NR2F1-AS1: variants seen among roughly 807,000 people sequenced by gnomAD.
NR2F1-AS1 encodes the protein NR2F1 regulatory antisense RNA 1, also known as NR2F1 antisense RNA 1.
rs536934878 is a variant in NR2F1-AS1, at chr5:93,579,162, C to T, written n.313+1305G>A. 7.2e-5 allele frequency among the ~76,000 whole-genome samples: 11 copies of T among 152,286 alleles called. No homozygotes were observed. The highest frequency in any genetic ancestry group is 1.9e-4 in the East Asian group (1 of 5,160). ...GGGGGACAGCGCCCTCCTCGAAAAG[C>T]CTTGGTTTCTCCCCGCCCCCTCTTG... On this transcript the variant is annotated intron_variant and non_coding_transcript_variant, in intron 1 of 5. Coordinates refer to ENST00000660523, the Ensembl canonical transcript of NR2F1-AS1. The surrounding 1 kb of genome is among the most constrained non-coding windows in gnomAD (Gnocchi z 5.1).
chr5:93,549,930 C>A (rs1023352281), intron 4 of NR2F1-AS1, among the ~76,000 whole-genome samples: 2 of 151,810 alleles, frequency 1.3e-5, no homozygotes, highest in Non-Finnish European at 2.9e-5. Flanking sequence ...CACATGGACA[C>A]AGGGAGGGGA....
At chr5:93,563,995 G>A (rs1249868286) in intron 1 of NR2F1-AS1, among the ~76,000 whole-genome samples, 7 of 151,028 alleles carry the variant, frequency 4.6e-5, no homozygotes, top group African/African-American at 9.7e-5. Flanking sequence ...CCAGCTACCC[G>A]GGAGGCTGAG....
At chr5:93,547,771 G>A (rs116689761) in intron 4 of NR2F1-AS1, among the ~76,000 whole-genome samples, 86 of 152,228 alleles carry the variant, frequency 5.6e-4, no homozygotes, top group African/African-American at 2.0e-3. Flanking sequence ...TTTAAAACCT[G>A]TTTATATCAC....
At chr5:93,445,618 G>C (rs1345451309) in intron 4 of NR2F1-AS1, among the ~76,000 whole-genome samples, 1 of 151,556 alleles carries the variant, frequency 6.6e-6, no homozygotes, top group East Asian at 1.9e-4. Flanking sequence ...TTCTACCAGA[G>C]GTACAAAGAG....
At chr5:93,555,983 T>C (rs182747152) in intron 2 of NR2F1-AS1, among the ~76,000 whole-genome samples, 1 of 152,260 alleles carries the variant, frequency 6.6e-6, no homozygotes, top group East Asian at 1.9e-4. Context: ...CTGTGATAGC[T>C]AAAACTTGCA....
intron 4 of NR2F1-AS1, among the ~76,000 whole-genome samples, chr5:93,440,201 C>CTG: frequency 6.6e-6 from 1 of 151,110 alleles, no homozygotes; most frequent in African/African-American, 2.5e-5. Context: ...CTGTCTCTCT[C>CTG]TCTCTCTCTC....
upstream of NR2F1-AS1, chr5:93,584,966 G>A: frequency 1.3e-6 from 1 of 759,464 alleles, no homozygotes; most frequent in Non-Finnish European, 1.6e-6. Flanking sequence ...GCGCCCGCGC[G>A]CCCCGCGGCC....
At chr5:93,436,903 C>A (rs891854788) in intron 4 of NR2F1-AS1, among the ~76,000 whole-genome samples, 1 of 151,866 alleles carries the variant, frequency 6.6e-6, no homozygotes, top group Non-Finnish European at 1.5e-5. Flanking sequence ...AATGATACAA[C>A]CTACAGCCCT....
chr5:93,583,392 C>T (rs1162909482), upstream of NR2F1-AS1: 5 of 149,744 alleles, frequency 3.3e-5, no homozygotes, highest in Non-Finnish European at 4.4e-5. Context: ...CTTCTCTGAA[C>T]CTCTCTTCTC....
At chr5:93,481,485 T>A (rs933188068) in intron 4 of NR2F1-AS1, among the ~76,000 whole-genome samples, 4 of 152,090 alleles carry the variant, frequency 2.6e-5, no homozygotes, top group African/African-American at 9.6e-5. Context: ...ATAGCCCACT[T>A]TTAGTAATGG....
chr5:93,558,721 AT>A (rs1172980856), intron 2 of NR2F1-AS1, among the ~76,000 whole-genome samples: 3 of 152,248 alleles, frequency 2.0e-5, no homozygotes, highest in Admixed American at 6.5e-5. Flanking sequence ...TGAAAACAAT[AT>A]TAATCTCCTT....
At chr5:93,483,048 G>A (rs746726127) in intron 4 of NR2F1-AS1, among the ~76,000 whole-genome samples, 1 of 152,218 alleles carries the variant, frequency 6.6e-6, no homozygotes, top group Non-Finnish European at 1.5e-5. Context: ...GTTCCTGCCT[G>A]CTGGCTCTGA....
chr5:93,518,149 G>A (rs1303279826), intron 4 of NR2F1-AS1, among the ~76,000 whole-genome samples: 1 of 151,846 alleles, frequency 6.6e-6, no homozygotes, highest in Non-Finnish European at 1.5e-5. Flanking sequence ...ATATATTACA[G>A]GCCTAAAATT....
chr5:93,541,004 C>T (rs540574028), intron 4 of NR2F1-AS1, among the ~76,000 whole-genome samples: 33 of 152,254 alleles, frequency 2.2e-4, no homozygotes, highest in African/African-American at 7.9e-4. Flanking sequence ...CAACGTTAGC[C>T]CTCACTTTTT....
chr5:93,541,355 T>G (rs1751946279), intron 4 of NR2F1-AS1, among the ~76,000 whole-genome samples: 1 of 152,168 alleles, frequency 6.6e-6, no homozygotes, highest in African/African-American at 2.4e-5. Context: ...TCACTATACT[T>G]TTTCCTCCTG....
chr5:93,541,476 T>C (rs1751948779), intron 4 of NR2F1-AS1, among the ~76,000 whole-genome samples: 1 of 152,170 alleles, frequency 6.6e-6, no homozygotes, highest in Non-Finnish European at 1.5e-5. Flanking sequence ...CCTCCCTAAA[T>C]GTATCAATGG....
exon 1 of NR2F1-AS1, chr5:93,580,680 C>T (rs1392826164): frequency 6.5e-6 from 1 of 153,352 alleles, no homozygotes; most frequent in African/African-American, 2.4e-5. Context: ...GCCCTCGACT[C>T]CCTGCCTCTG....
At chr5:93,574,275 G>C (rs770535737) in intron 1 of NR2F1-AS1, among the ~76,000 whole-genome samples, 1 of 152,344 alleles carries the variant, frequency 6.6e-6, no homozygotes, top group African/African-American at 2.4e-5. Flanking sequence ...CTGGGCCTCA[G>C]CTTCAAGGTT....
chr5:93,541,820 G>A (rs964484717), intron 4 of NR2F1-AS1: 4 of 151,702 alleles, frequency 2.6e-5, no homozygotes, highest in Non-Finnish European at 4.4e-5. Context: ...AGGAAAGCAA[G>A]ACACTCACAT....
Sources: gnomAD v4.1 joint callset for allele counts (sites outside exome capture counted in the v4.1 genomes callset) on GRCh38, gnomAD v4.1.1 for gene constraint, Gnocchi (gnomAD v3.1) non-coding constraint, MANE v1.5 for transcripts, NCBI Gene and HGNC (gene_info 2026-07-23, HGNC 2026-07-21) for gene names.